CLNK: variants seen among roughly 807,000 people sequenced by gnomAD.
The protein encoded by CLNK is cytokine dependent hematopoietic cell linker.
A neutral mutation model predicts 68.6 loss-of-function variants in CLNK; 74 were observed. That is an observed-to-expected ratio of 1.08 (90% CI 0.89 to 1.31). The LOEUF is 1.31. CLNK is among the 50% of genes most tolerant of loss of function. The pLI is 0.00. For missense variants in CLNK, 553 were observed against 515.3 expected, an observed-to-expected ratio of 1.07 and a Z score of -0.71; for synonymous variants, 198 against 172.2, an observed-to-expected ratio of 1.15 and a Z score of -1.17.
intron 3 of CLNK, among the ~76,000 whole-genome samples, chr4:10,588,076 C>T (rs529326857): frequency 6.6e-6 from 1 of 152,336 alleles, no homozygotes; most frequent in African/African-American, 2.4e-5. Flanking sequence ...GCTCCCAGGA[C>T]TTGCAACTCA....
At chr4:10,506,297 G>A (rs939418193) in intron 17 of CLNK, among the ~76,000 whole-genome samples, 3 of 152,188 alleles carry the variant, frequency 2.0e-5, no homozygotes, top group African/African-American at 7.2e-5. Flanking sequence ...TGTGAAAGCA[G>A]AAGTAAAATA....
At chr4:10,598,979 T>G (rs905472728) in intron 2 of CLNK, among the ~76,000 whole-genome samples, 2 of 152,240 alleles carry the variant, frequency 1.3e-5, no homozygotes, top group Non-Finnish European at 2.9e-5. Context: ...TGCCCTTGTC[T>G]TCCTTCTTCT....
At chr4:10,537,213 C>T (rs978554147) in intron 11 of CLNK, among the ~76,000 whole-genome samples, 1 of 152,184 alleles carries the variant, frequency 6.6e-6, no homozygotes, top group Non-Finnish European at 1.5e-5. Flanking sequence ...CACGGTGGCT[C>T]ACGTCTGTAA....
At chr4:10,605,071 C>T (rs1392218705) in intron 2 of CLNK, among the ~76,000 whole-genome samples, 1 of 152,170 alleles carries the variant, frequency 6.6e-6, no homozygotes, top group African/African-American at 2.4e-5. Context: ...CCATAAAAAG[C>T]CTGCCTGAGT....
intron 12 of CLNK, among the ~76,000 whole-genome samples, chr4:10,530,282 T>C (rs1018984660): frequency 6.6e-6 from 1 of 152,154 alleles, no homozygotes; most frequent in Non-Finnish European, 1.5e-5. Context: ...AATGAGACAA[T>C]GAGTCTTTCC....
At chr4:10,593,121 A>G (rs750527396) in intron 3 of CLNK, among the ~76,000 whole-genome samples, 1 of 152,234 alleles carries the variant, frequency 6.6e-6, no homozygotes, top group African/African-American at 2.4e-5. Context: ...GAAAGAACCT[A>G]GGACCTGTCA....
intron 8 of CLNK, among the ~76,000 whole-genome samples, chr4:10,543,865 A>G (rs2108810443): frequency 6.6e-6 from 1 of 152,354 alleles, no homozygotes; most frequent in Middle Eastern, 3.4e-3. Flanking sequence ...TGTCCTTGGC[A>G]TTGTGAAAAC....
At chr4:10,528,772 G>T (rs986628071) in intron 12 of CLNK, among the ~76,000 whole-genome samples, 1 of 152,108 alleles carries the variant, frequency 6.6e-6, no homozygotes, top group Admixed American at 6.5e-5. Flanking sequence ...AACTATTAAA[G>T]GTTGTACTTA....
Position 10,513,615 on chromosome 4 carries a change from A to C in CLNK, c.773-18T>G. The C allele has an allele frequency of 1.3e-6, 2 of 1,579,892 alleles. No homozygotes were observed. Among genetic ancestry groups the C allele is most frequent in the Non-Finnish European group, 1.7e-6 (2 of 1,163,026 alleles). On this transcript the variant is annotated intron_variant, in intron 15 of 18. Coordinates refer to ENST00000226951, the MANE Select transcript of CLNK (RefSeq NM_052964.4). ...TCTATGATCTGGAAAGGTTAAATTC[A>C]CATTTCAGTGTGATTTTGTGACTGG...
chr4:10,683,557 A>T (rs183860123), intron 1 of CLNK, among the ~76,000 whole-genome samples: 2 of 152,338 alleles, frequency 1.3e-5, no homozygotes, highest in East Asian at 3.9e-4. Flanking sequence ...ACAACCTTGC[A>T]CATATTACTT....
intron 8 of CLNK, 50 bp from the exon 9 acceptor site, chr4:10,542,330 C>T: frequency 1.6e-6 from 2 of 1,278,768 alleles, no homozygotes; most frequent in South Asian, 1.3e-5. Context: ...TGTCATCAAG[C>T]ATTGATTTTA....
At chr4:10,697,317 G>A in the CLNK span, 18 of 152,108 alleles carry the variant, frequency 1.2e-4, no homozygotes, top group Admixed American at 9.8e-4. Flanking sequence ...TTTAACATCC[G>A]GAGTTCAGAG....
intron 15 of CLNK, among the ~76,000 whole-genome samples, chr4:10,516,045 C>T (rs1349499105): frequency 1.3e-5 from 2 of 152,082 alleles, no homozygotes; most frequent in East Asian, 3.9e-4. Flanking sequence ...GCATGTCTTT[C>T]CAGTCAATAA....
At chr4:10,588,992 T>C (rs1721085860) in intron 3 of CLNK, among the ~76,000 whole-genome samples, 1 of 152,074 alleles carries the variant, frequency 6.6e-6, no homozygotes, top group African/African-American at 2.4e-5. Flanking sequence ...ACAAGATAAA[T>C]AAGTCCTCAA....
chr4:10,494,487 T>C (rs1183896297), intron 18 of CLNK, among the ~76,000 whole-genome samples: 17 of 149,826 alleles, frequency 1.1e-4, no homozygotes, highest in Non-Finnish European at 2.4e-4. Context: ...AGATGGAGTC[T>C]CACTCTGTCA....
rs1716515759 is a variant in CLNK at position 10,490,340 on chromosome 4, A to G, written c.*127T>C. On this transcript the variant is annotated 3_prime_UTR_variant, in exon 19 of 19. Transcript: ENST00000226951. The stretch of plus-strand genomic sequence containing the variant: ...TGAGTGATTTTCCACTCTCTGTTAT[A>G]GAGTGTTTTTCTTTTCTCCAAAGTT... 1.1e-6 allele frequency: 1 copy of G among 927,712 alleles called. No individual in the cohort carries two copies. 57.5% of individuals were successfully genotyped at this position (927,712 alleles called of 1,614,324 possible).
the CLNK span, among the ~76,000 whole-genome samples, chr4:10,699,512 A>ATATATTTT: frequency 2.0e-3 from 65 of 32,684 alleles, 1 homozygote; most frequent in Admixed American, 3.8e-3. Flanking sequence ...ATATATATAT[A>ATATATTTT]TTTTTTTTTT....
the CLNK span, among the ~76,000 whole-genome samples, chr4:10,717,619 G>T: frequency 2.5e-4 from 38 of 152,112 alleles, no homozygotes; most frequent in African/African-American, 9.2e-4. Flanking sequence ...GCTGTATGAG[G>T]CACTCCCACC....
At chr4:10,677,664 C>A (rs1374114934) in intron 1 of CLNK, among the ~76,000 whole-genome samples, 2 of 152,040 alleles carry the variant, frequency 1.3e-5, no homozygotes, top group African/African-American at 4.8e-5. Flanking sequence ...ACTCTTCTCT[C>A]TCCTGCTGTC....
Sources: gnomAD v4.1 joint callset for allele counts (sites outside exome capture counted in the v4.1 genomes callset) on GRCh38, gnomAD v4.1.1 for gene constraint, MANE v1.5 for transcripts, NCBI Gene and HGNC (gene_info 2026-07-23, HGNC 2026-07-21) for gene names.